STK39: variants seen among roughly 807,000 people sequenced by gnomAD.
The protein encoded by STK39 is serine/threonine kinase 39, also known as STE20/SPS1-related proline-alanine-rich protein kinase.
Under a neutral mutation model 77.8 loss-of-function variants are expected in STK39, and 20 were observed. That is an observed-to-expected ratio of 0.26 (90% CI 0.18 to 0.37). The LOEUF is 0.37. Ranked by LOEUF, STK39 falls within the 10% of genes least tolerant of loss-of-function variation. The pLI, the probability that STK39 is intolerant of heterozygous loss-of-function variation, is 1.00. For missense variants in STK39, 479 were observed against 656.5 expected, an observed-to-expected ratio of 0.73 and a Z score of 2.95; for synonymous variants, 246 against 234.1, an observed-to-expected ratio of 1.05 and a Z score of -0.47.
chr2:168,237,975 C>T (rs897869224), intron 1 of STK39, among the ~76,000 whole-genome samples: 3 of 152,076 alleles, frequency 2.0e-5, no homozygotes, highest in Non-Finnish European at 2.9e-5. Context: ...AGAAAGAGAA[C>T]CAGATGATTC....
chr2:168,036,806 G>A (rs1684968356), intron 14 of STK39, among the ~76,000 whole-genome samples: 1 of 152,204 alleles, frequency 6.6e-6, no homozygotes, highest in Non-Finnish European at 1.5e-5. Flanking sequence ...AGTCTTTCCA[G>A]AGAGAGGTTG....
chr2:167,956,815 C>CAAG (rs935150959), intron 17 of STK39, among the ~76,000 whole-genome samples: 1 of 146,782 alleles, frequency 6.8e-6, no homozygotes, highest in Non-Finnish European at 1.5e-5. Flanking sequence ...ATAAGAACAA[C>CAAG]AAGGAAGGGA....
chr2:168,217,026 A>C lies in STK39; in HGVS notation c.208+30202T>G, dbSNP rs1015543274. Among the ~76,000 whole-genome samples, 6 of 152,342 alleles carry C rather than the reference A, an allele frequency of 3.9e-5. No individual in the cohort carries two copies. In the South Asian group the frequency reaches 1.2e-3, roughly 32 times the overall value. On this transcript the variant is annotated intron_variant, in intron 1 of 17. Coordinates refer to ENST00000355999, the MANE Select transcript of STK39 (RefSeq NM_013233.3). ...GAAGCAGACATGCTCTGTTGGGAAA[A>C]GAAGACTGCTCAGACCTGCCAGGGT...
At chr2:168,019,416 G>A (rs1386547071) in intron 14 of STK39, among the ~76,000 whole-genome samples, 4 of 152,094 alleles carry the variant, frequency 2.6e-5, no homozygotes, top group Admixed American at 6.5e-5. Flanking sequence ...TCATAAGTAC[G>A]TATATATAGG....
chr2:168,048,503 C>CGCCCGGCCCGGCCCGGCCCG lies in STK39; in HGVS notation c.1376+14996_1376+14997insCGGGCCGGGCCGGGCCGGGC, dbSNP rs34876128. 9.3e-3 allele frequency among the ~76,000 whole-genome samples: 1,398 copies of CGCCCGGCCCGGCCCGGCCCG among 150,488 alleles called. 11 individuals are homozygous for CGCCCGGCCCGGCCCGGCCCG. Among genetic ancestry groups the CGCCCGGCCCGGCCCGGCCCG allele is most frequent in the Non-Finnish European group, 0.013 (889 of 67,420 alleles). ...CTGGGATTACAGGTGTGAGCCACCG[C>CGCCCGGCCCGGCCCGGCCCG]GCCCGGCCCGGCCCGGCCTATGCTT... On this transcript the variant is annotated intron_variant, in intron 14 of 17. Coordinates refer to ENST00000355999, the MANE Select transcript of STK39 (RefSeq NM_013233.3).
intron 5 of STK39, among the ~76,000 whole-genome samples, chr2:168,146,780 GAA>G (rs933267493): frequency 1.7e-4 from 26 of 152,288 alleles, no homozygotes; most frequent in African/African-American, 5.5e-4. Context: ...TAGAAGCAGA[GAA>G]GACCACAACC....
At chr2:168,101,470 G>A (rs902658115) in intron 10 of STK39, among the ~76,000 whole-genome samples, 5 of 152,126 alleles carry the variant, frequency 3.3e-5, no homozygotes, top group African/African-American at 1.2e-4. Context: ...AGGCGCTGTG[G>A]CTCACACCTG....
intron 14 of STK39, among the ~76,000 whole-genome samples, chr2:168,037,994 A>C (rs1165188112): frequency 2.6e-5 from 4 of 152,204 alleles, no homozygotes; most frequent in African/African-American, 9.6e-5. Context: ...AATTGAACTA[A>C]AACTTAAACT....
chr2:168,155,366 C>T (rs539734853), intron 5 of STK39, among the ~76,000 whole-genome samples: 120 of 152,226 alleles, frequency 7.9e-4, no homozygotes, highest in African/African-American at 2.7e-3. Flanking sequence ...CATTCTAGAG[C>T]TCTTATCAAA....
intron 4 of STK39, among the ~76,000 whole-genome samples, chr2:168,163,269 A>T (rs1688621553): frequency 6.6e-6 from 1 of 152,184 alleles, no homozygotes; most frequent in Admixed American, 6.5e-5. Flanking sequence ...TCTCACCACC[A>T]CATCAAAAAT....
At chr2:168,212,024 A>C (rs1436953445) in intron 1 of STK39, among the ~76,000 whole-genome samples, 1 of 152,250 alleles carries the variant, frequency 6.6e-6, no homozygotes, top group Non-Finnish European at 1.5e-5. Flanking sequence ...GAGACATCTC[A>C]GTTGAAACTA....
chr2:168,008,506 T>G (rs929962783), intron 16 of STK39, among the ~76,000 whole-genome samples: 1 of 152,178 alleles, frequency 6.6e-6, no homozygotes, highest in Non-Finnish European at 1.5e-5. Context: ...GATTAAATCT[T>G]GGATGTCTAT....
Position 168,247,499 on chromosome 2 carries a change from T to C in STK39, c.-64A>G. 8.4e-7 allele frequency: 1 copy of C among 1,193,316 alleles called. No homozygotes were observed. Among genetic ancestry groups the C allele is most frequent in the South Asian group, 2.0e-5 (1 of 49,860 alleles). 73.9% of individuals were successfully genotyped at this position (1,193,316 alleles called of 1,614,324 possible). On this transcript the variant is annotated 5_prime_UTR_variant, in exon 1 of 18. Transcript: ENST00000355999. ...GGACGACCTTCCACTTGAAACTTCC[T>C]TTGCCTCGCCGCCGACACCTCTCGG... is the stretch of plus-strand genomic sequence containing the variant.
intron 15 of STK39, 59 bp downstream of exon 15, chr2:168,016,984 T>C: frequency 1.5e-6 from 2 of 1,353,100 alleles, no homozygotes; most frequent in Non-Finnish European, 2.1e-6. Context: ...CACATGCTTG[T>C]AATCAATTTC....
chr2:168,183,056 A>G (rs1159305174), intron 1 of STK39, among the ~76,000 whole-genome samples: 1 of 152,216 alleles, frequency 6.6e-6, no homozygotes. Flanking sequence ...GTATTTGGCA[A>G]CAAGAGAGAT....
intron 10 of STK39, among the ~76,000 whole-genome samples, chr2:168,085,947 G>A (rs1686354887): frequency 6.6e-6 from 1 of 152,160 alleles, no homozygotes; most frequent in African/African-American, 2.4e-5. Context: ...ACTGCCTTCA[G>A]ACCCCTGTGC....
chr2:168,190,107 G>A (rs1210884750), intron 1 of STK39, among the ~76,000 whole-genome samples: 1 of 152,094 alleles, frequency 6.6e-6, no homozygotes, highest in East Asian at 1.9e-4. Flanking sequence ...CTTGTGGAGC[G>A]GTCTCCTCCG....
intron 17 of STK39, among the ~76,000 whole-genome samples, chr2:167,963,582 G>A (rs1692061765): frequency 6.7e-6 from 1 of 150,278 alleles, no homozygotes; most frequent in Non-Finnish European, 1.5e-5. Context: ...CCAGAAAAGG[G>A]ATTTTCCTAT....
At chr2:168,194,307 C>G (rs935978506) in intron 1 of STK39, among the ~76,000 whole-genome samples, 2 of 152,092 alleles carry the variant, frequency 1.3e-5, no homozygotes, top group South Asian at 2.1e-4. Context: ...GTAGTCTCAG[C>G]TACTCGGAAG....
Sources: allele counts gnomAD v4.1 joint callset (sites outside exome capture counted in the v4.1 genomes callset), GRCh38; gene constraint gnomAD v4.1.1; transcripts MANE v1.5; gene names NCBI Gene and HGNC (gene_info 2026-07-23, HGNC 2026-07-21).